The following CLMN variants were observed in gnomAD, a reference collection of about 807,000 sequenced individuals.
CLMN encodes the protein calmin, also known as calmin (calponin-like, transmembrane).
A neutral mutation model predicts 92.7 loss-of-function variants in CLMN; 57 were observed. That is an observed-to-expected ratio of 0.61 (90% CI 0.50 to 0.77). The LOEUF is 0.77. CLMN is among the 30% of genes least tolerant of loss of function. The probability of loss-of-function intolerance (pLI) is 0.00; values close to 1 mark genes in which losing one functional copy is unlikely to be tolerated. For synonymous variants in CLMN, 466 were observed against 470.6 expected (o/e 0.99, Z 0.13); for missense variants, 1,158 against 1,237.5 (o/e 0.94, Z 0.96).
At chr14:95,222,761 C>T (rs1328824085) in intron 3 of CLMN, among the ~76,000 whole-genome samples, 1 of 152,212 alleles carries the variant, frequency 6.6e-6, no homozygotes, top group East Asian at 1.9e-4. Flanking sequence ...TCTGCGGGTG[C>T]CGCTAATAGG....
intron 12 of CLMN, chr14:95,192,714 C>G (rs894420857): frequency 2.0e-5 from 3 of 153,542 alleles, no homozygotes; most frequent in African/African-American, 7.2e-5. Flanking sequence ...GTTGCCCAGG[C>G]TAGTCTCAAA....
At chr14:95,206,037 G>T (rs1372823684) in intron 8 of CLMN, among the ~76,000 whole-genome samples, 1 of 152,100 alleles carries the variant, frequency 6.6e-6, no homozygotes, top group Non-Finnish European at 1.5e-5. Context: ...ACTGTATACT[G>T]TTTACAAGAG....
intron 7 of CLMN, 39 bp downstream of exon 7, chr14:95,210,645 TAA>T: frequency 6.4e-7 from 1 of 1,571,354 alleles, no homozygotes; most frequent in Non-Finnish European, 8.6e-7. Flanking sequence ...GGTACATTTG[TAA>T]AAAAAAATTA....
intron 11 of CLMN, 72 bp from the exon 12 acceptor site, chr14:95,193,991 A>G (rs1367145449): frequency 6.3e-7 from 1 of 1,588,048 alleles, no homozygotes. Context: ...AACAGAAGAT[A>G]AAACGATTTT....
At chr14:95,307,006 C>T (rs2140789543) in intron 1 of CLMN, among the ~76,000 whole-genome samples, 1 of 152,310 alleles carries the variant, frequency 6.6e-6, no homozygotes, top group South Asian at 2.1e-4. Flanking sequence ...CCATATCCTC[C>T]AGGGAAAGGG....
chr14:95,204,882 A>G (rs927539550), intron 8 of CLMN, among the ~76,000 whole-genome samples: 2 of 152,194 alleles, frequency 1.3e-5, no homozygotes, highest in Non-Finnish European at 1.5e-5. Flanking sequence ...AGATAAGGAA[A>G]GATCAGCCAA....
rs140106985 is a variant in CLMN at position 95,244,988 on chromosome 14, T to TACACACAC, written c.83-14863_83-14856dup. Among the ~76,000 whole-genome samples, 211 of 135,918 alleles carry TACACACAC rather than the reference T, an allele frequency of 1.6e-3. 2 individuals carry two copies. Among genetic ancestry groups the TACACACAC allele is most frequent in the African/African-American group, 5.4e-3 (195 of 36,430 alleles). The allele number at this position is 135,918 out of a possible 152,430, so 89.2% of individuals were successfully genotyped here. ...TAGCATATATACACATATATGTGTA[T>TACACACAC]ACACACACACACACACACACACATA... On this transcript the variant is annotated intron_variant, in intron 1 of 12. Coordinates refer to ENST00000298912, the MANE Select transcript of CLMN (RefSeq NM_024734.4).
At chr14:95,257,488 C>G (rs976076484) in intron 1 of CLMN, among the ~76,000 whole-genome samples, 3 of 152,204 alleles carry the variant, frequency 2.0e-5, no homozygotes, top group African/African-American at 7.2e-5. Flanking sequence ...CTCATTAATT[C>G]AAATTAAACT....
intron 1 of CLMN, among the ~76,000 whole-genome samples, chr14:95,298,135 T>C (rs991201220): frequency 2.0e-5 from 3 of 152,090 alleles, no homozygotes; most frequent in Non-Finnish European, 2.9e-5. Flanking sequence ...GCGTCATCGA[T>C]CAACCCCACC....
In CLMN at chr14:95,204,442, T is replaced by A. The variant is rs1261332604; in HGVS notation, c.907A>T (p.Lys303Ter). 1.3e-6 allele frequency: 2 copies of A among 1,564,484 alleles called. No homozygotes were observed. The highest frequency in any genetic ancestry group is 4.1e-5 in the Admixed American group (2 of 49,102). Reference sequence around the variant, plus strand: ...AAAGTGGATTCGATAGGAACTTCTTTATCTGAATCGAAAATATCTTCCTGC... The same window carrying A: ...AAAGTGGATTCGATAGGAACTTCTTAATCTGAATCGAAAATATCTTCCTGC... The part of the protein sequence containing the change: ...LEAEDIFDSD[K>*]EVPIESTFVR... The change falls in exon 9 of 13, where the codon AAA becomes TAA. Residue 303 changes from lysine (K) to a stop codon, truncating the protein, a stop_gained. Coordinates refer to ENST00000298912, the MANE Select transcript of CLMN (RefSeq NM_024734.4). LOFTEE classifies it high-confidence loss of function.
rs552729069 is a variant in CLMN, at chr14:95,270,286, T to A, written c.83-40153A>T. Among the ~76,000 whole-genome samples the A allele has an allele frequency of 6.3e-4, 96 of 152,300 alleles. 1 individual carries two copies. The South Asian group carries it at 0.014, about 22-fold the overall frequency. On this transcript the variant is annotated intron_variant, in intron 1 of 12. Transcript: ENST00000298912. ...GCCAAGTGCCTCACTCATTTTTTTT[T>A]AAGATATAATTCACATGCAATATAA...
intron 1 of CLMN, among the ~76,000 whole-genome samples, chr14:95,238,687 T>C (rs1248466309): frequency 6.6e-6 from 1 of 152,104 alleles, no homozygotes; most frequent in East Asian, 1.9e-4. Context: ...CAGACGGGCA[T>C]CAGGGCACAG....
intron 1 of CLMN, among the ~76,000 whole-genome samples, chr14:95,283,954 T>G (rs905317065): frequency 2.0e-5 from 3 of 152,126 alleles, no homozygotes; most frequent in African/African-American, 7.2e-5. Flanking sequence ...ATAGAGAAAG[T>G]GTCTCCAGGC....
At chr14:95,276,957 T>G (rs921281881) in intron 1 of CLMN, among the ~76,000 whole-genome samples, 1 of 151,008 alleles carries the variant, frequency 6.6e-6, no homozygotes, top group Non-Finnish European at 1.5e-5. Flanking sequence ...TTTTTTTTTT[T>G]GGGTAACATG....
intron 2 of CLMN, among the ~76,000 whole-genome samples, chr14:95,224,381 C>T (rs528056620): frequency 1.3e-5 from 2 of 152,244 alleles, no homozygotes; most frequent in African/African-American, 4.8e-5. Flanking sequence ...CTCCCGGGTT[C>T]AAGTGATTCT....
intron 5 of CLMN, among the ~76,000 whole-genome samples, chr14:95,214,686 G>A (rs1897286697): frequency 6.6e-6 from 1 of 151,866 alleles, no homozygotes; most frequent in Non-Finnish European, 1.5e-5. Context: ...CACCTATTAT[G>A]ACCACTGCTC....
chr14:95,195,823 G>T (rs2140561015), intron 10 of CLMN, among the ~76,000 whole-genome samples: 1 of 152,246 alleles, frequency 6.6e-6, no homozygotes, highest in African/African-American at 2.4e-5. Context: ...AGAGGGGAGA[G>T]ACCAGGGTCT....
chr14:95,286,402 C>T (rs1007286088), intron 1 of CLMN, among the ~76,000 whole-genome samples: 1 of 152,156 alleles, frequency 6.6e-6, no homozygotes, highest in African/African-American at 2.4e-5. Flanking sequence ...TATCTGCTTC[C>T]ATTTAAATGA....
intron 1 of CLMN, among the ~76,000 whole-genome samples, chr14:95,272,412 G>C (rs896246261): frequency 1.3e-5 from 2 of 152,154 alleles, no homozygotes; most frequent in African/African-American, 2.4e-5. Flanking sequence ...AGAAGTTCCA[G>C]AACACCCAGA....
Sources: gnomAD v4.1 joint callset for allele counts (sites outside exome capture counted in the v4.1 genomes callset) on GRCh38, gnomAD v4.1.1 for gene constraint, MANE v1.5 for transcripts, NCBI Gene and HGNC (gene_info 2026-07-23, HGNC 2026-07-21) for gene names.